SLC25A17: variants seen among roughly 807,000 people sequenced by gnomAD.
SLC25A17 encodes the protein peroxisomal membrane protein PMP34.
A neutral mutation model predicts 38.5 loss-of-function variants in SLC25A17; 26 were observed. The ratio of observed to expected loss-of-function variants is 0.68; its 90% confidence interval spans 0.50 to 0.94. The LOEUF is 0.94. Ranked by LOEUF, SLC25A17 falls within the 40% of genes least tolerant of loss-of-function variation. SLC25A17 has a pLI of 0.00. For missense variants in SLC25A17, 333 were observed against 372.7 expected, an observed-to-expected ratio of 0.89 and a Z score of 0.88; for synonymous variants, 139 against 136.2, an observed-to-expected ratio of 1.02 and a Z score of -0.14.
At position 40,770,600 on chromosome 22, in the gene SLC25A17, A is replaced by G. The variant is rs577635750; in HGVS notation, c.*234T>C. The stretch of plus-strand genomic sequence containing the variant: ...AACTTTCATTTTTAGGTTTTCAGCA[A>G]TGTTTTTTTCACATTAGTCCAACTG... On this transcript the variant is annotated 3_prime_UTR_variant, in exon 9 of 9. Transcript: ENST00000435456. 4.3e-4 allele frequency: 149 copies of G among 343,564 alleles called. 1 individual carries two copies. The highest frequency in any genetic ancestry group is 2.2e-3 in the South Asian group (17 of 7,732). 21.3% of individuals were successfully genotyped at this position (343,564 alleles called of 1,614,324 possible).
intron 3 of SLC25A17, 107 bp downstream of exon 3, chr22:40,794,404 CACA>C (rs1367810278): frequency 4.8e-6 from 3 of 624,058 alleles, no homozygotes; most frequent in Non-Finnish European, 8.6e-6. Context: ...ATTCCAAATT[CACA>C]ACATTAGAGT....
chr22:40,811,562 TGAGACTACAGGTATGAGCCAGCACA>T (rs1315803619), intron 1 of SLC25A17, among the ~76,000 whole-genome samples: 2 of 152,040 alleles, frequency 1.3e-5, no homozygotes, highest in Non-Finnish European at 2.9e-5. Flanking sequence ...CCTGAGTAGC[TGAGACTACAGGTATGAGCCAGCACA>T]GTGCTGGCAT....
chr22:40,774,914 G>T (rs181091456), intron 7 of SLC25A17, among the ~76,000 whole-genome samples: 54 of 152,086 alleles, frequency 3.6e-4, no homozygotes, highest in African/African-American at 1.3e-3. Flanking sequence ...CTCCAAAACA[G>T]ATCTTGAATC....
chr22:40,800,597 T>C (rs2062399404), intron 1 of SLC25A17, among the ~76,000 whole-genome samples: 2 of 152,026 alleles, frequency 1.3e-5, no homozygotes. Context: ...AGTCTCACTA[T>C]ATTTACCCAG....
At position 40,779,070 on chromosome 22, in the gene SLC25A17, C is replaced by T; in HGVS notation, c.390G>A (p.Lys130=). Residue 130 remains lysine, a synonymous_variant, in exon 5 of 9, where the codon AAG becomes AAA. Transcript: ENST00000435456. ...TPLWVVNTRL[K]LQGAKFRNED... The stretch of plus-strand genomic sequence containing the variant: ...CATTCCTAAATTTTGCTCCTTGAAG[C>T]TTCAGTCTGGTGTTTACCACCCAGA... The T allele has an allele frequency of 6.2e-7, 1 of 1,614,162 alleles. No individual in the cohort carries two copies. Among genetic ancestry groups the T allele is most frequent in the Non-Finnish European group, 8.5e-7 (1 of 1,180,028 alleles).
chr22:40,786,738 GA>G (rs1275451201), intron 4 of SLC25A17, among the ~76,000 whole-genome samples: 1 of 152,204 alleles, frequency 6.6e-6, no homozygotes, highest in African/African-American at 2.4e-5. Flanking sequence ...GACTGTAGTT[GA>G]ATTCTGGGTA....
At position 40,792,632 on chromosome 22, in the gene SLC25A17, C is replaced by A. The variant is rs774962192; in HGVS notation, c.227G>T (p.Cys76Phe). 3 of 1,613,958 alleles carry A rather than the reference C, an allele frequency of 1.9e-6. No individual in the cohort carries two copies. In the Admixed American group the frequency reaches 5.0e-5, roughly 27 times the overall value. The change falls in exon 4 of 9, where the codon TGC becomes TTC. Residue 76 changes from cysteine (C) to phenylalanine (F), a missense_variant. Cys to Phe is a radical substitution (Grantham distance 205). Transcript: ENST00000435456. Reference protein sequence around the residue: ...RGWFPVISSLCCSNFVYFYTF... With the variant: ...RGWFPVISSLFCSNFVYFYTF... ...GTAGAAATAGACAAAATTGGAGCAG[C>A]AGAGACTGGAAATCACTGGAAACCA...
chr22:40,813,979 T>C (rs2057609364), intron 1 of SLC25A17: 1 of 152,404 alleles, frequency 6.6e-6, no homozygotes, highest in African/African-American at 2.4e-5. Flanking sequence ...GGGTCAACAG[T>C]ATAGAATACT....
chr22:40,775,742 C>G (rs548079018), intron 7 of SLC25A17, among the ~76,000 whole-genome samples: 1 of 152,062 alleles, frequency 6.6e-6, no homozygotes, highest in African/African-American at 2.4e-5. Flanking sequence ...GGATTACAGG[C>G]GTGAGCCACC....
At chr22:40,804,370 A>G (rs2057510995) in intron 1 of SLC25A17, among the ~76,000 whole-genome samples, 1 of 151,486 alleles carries the variant, frequency 6.6e-6, no homozygotes, top group Admixed American at 6.6e-5. Flanking sequence ...TGGGATCCCT[A>G]TTTTCTGTCT....
chr22:40,773,949 TGAA>T lies in SLC25A17; in HGVS notation c.761_763del (p.Leu254del). 1 of 1,609,032 alleles carries T rather than the reference TGAA, an allele frequency of 6.2e-7. No homozygotes were observed. The highest frequency in any genetic ancestry group is 8.5e-7 in the Non-Finnish European group (1 of 1,175,362). Reference sequence around the variant, plus strand: ...CTACAAAGCTCACCTTACTCGTTGGTGAAGAAGATAGAGAATATTCCGAAGACT... The same window carrying T: ...CTACAAAGCTCACCTTACTCGTTGGTGAAGATAGAGAATATTCCGAAGACT... On this transcript the variant is annotated inframe_deletion, in exon 8 of 9. Transcript: ENST00000435456.
intron 4 of SLC25A17, among the ~76,000 whole-genome samples, chr22:40,788,623 A>AGAGGTCACAGTGAGCC (rs1173005600): frequency 6.6e-6 from 1 of 152,196 alleles, no homozygotes; most frequent in Non-Finnish European, 1.5e-5. Context: ...CCTGGGAGGC[A>AGAGGTCACAGTGAGCC]GAGGTCACAG....
At chr22:40,803,793 T>C (rs1032701443) in intron 1 of SLC25A17, among the ~76,000 whole-genome samples, 2 of 151,570 alleles carry the variant, frequency 1.3e-5, no homozygotes, top group Non-Finnish European at 2.9e-5. Context: ...CTTTTCTCAG[T>C]ATCCTCACCA....
chr22:40,815,960 G>T (rs903226029), intron 1 of SLC25A17, among the ~76,000 whole-genome samples: 4 of 152,200 alleles, frequency 2.6e-5, no homozygotes, highest in Non-Finnish European at 5.9e-5. Context: ...GCCAAGGCAG[G>T]CGGATCACCT....
chr22:40,794,309 T>G (rs531675297), intron 3 of SLC25A17, among the ~76,000 whole-genome samples: 1 of 152,134 alleles, frequency 6.6e-6, no homozygotes, highest in Admixed American at 6.5e-5. Context: ...AGGTAAGCAT[T>G]GTACAAAAAT....
intron 2 of SLC25A17, among the ~76,000 whole-genome samples, chr22:40,795,783 A>C (rs2145680832): frequency 6.6e-6 from 1 of 151,666 alleles, no homozygotes; most frequent in Admixed American, 6.6e-5. Context: ...TTAACATTCA[A>C]GTTTCTTTTT....
intron 4 of SLC25A17, chr22:40,788,713 TA>T (rs1161144964): frequency 4.4e-6 from 1 of 227,572 alleles, no homozygotes; most frequent in African/African-American, 2.3e-5. Flanking sequence ...TAAAATAAAA[TA>T]AAAACAAAAC....
chr22:40,814,489 G>C (rs925049299), intron 1 of SLC25A17, among the ~76,000 whole-genome samples: 5 of 152,032 alleles, frequency 3.3e-5, no homozygotes, highest in African/African-American at 1.2e-4. Flanking sequence ...TATTATATAT[G>C]ATTTACAATA....
At chr22:40,791,739 G>A (rs528499149) in intron 4 of SLC25A17, among the ~76,000 whole-genome samples, 2 of 152,262 alleles carry the variant, frequency 1.3e-5, no homozygotes, top group East Asian at 3.9e-4. Flanking sequence ...AAAACAGAAA[G>A]TAAGTGTTAG....
Sources: gnomAD v4.1 joint callset for allele counts (sites outside exome capture counted in the v4.1 genomes callset) on GRCh38, gnomAD v4.1.1 for gene constraint, MANE v1.5 for transcripts, NCBI Gene and HGNC (gene_info 2026-07-23, HGNC 2026-07-21) for gene names.